ZW10: variants seen among roughly 807,000 people sequenced by gnomAD.
The protein encoded by ZW10 is centromere/kinetochore protein zw10 homolog.
A neutral mutation model predicts 87.8 loss-of-function variants in ZW10; 53 were observed. That is an observed-to-expected ratio of 0.60 (90% CI 0.48 to 0.76). The LOEUF is 0.76. Among genes scored for constraint, ZW10 ranks in the 30% least tolerant of loss-of-function variants. ZW10 has a pLI of 0.00. For missense variants in ZW10, 837 were observed against 923.0 expected (o/e 0.91, Z 1.21); for synonymous variants, 312 against 329.2 (o/e 0.95, Z 0.57).
intron 2 of ZW10, among the ~76,000 whole-genome samples, chr11:113,764,258 C>T (rs1211698443): frequency 6.6e-6 from 1 of 152,180 alleles, no homozygotes; most frequent in African/African-American, 2.4e-5. Context: ...GTTTTGGTTA[C>T]TGTAGGCTTG....
At chr11:113,741,129 T>C (rs1001733670) in intron 11 of ZW10, among the ~76,000 whole-genome samples, 1 of 152,132 alleles carries the variant, frequency 6.6e-6, no homozygotes, top group Admixed American at 6.5e-5. Context: ...GCTTTTGTTT[T>C]TTTTTTTGGT....
At chr11:113,742,852 T>C (rs17115915) in intron 10 of ZW10, among the ~76,000 whole-genome samples, 22,767 of 152,186 alleles carry the variant, frequency 0.15, 1,809 homozygotes, top group South Asian at 0.2. Flanking sequence ...ATGTTCTTCC[T>C]AGAGCAGAAT....
rs1953804745 is a variant in ZW10 at position 113,757,653 on chromosome 11, G to A, written c.925+9C>T. On this transcript the variant is annotated intron_variant, in intron 7 of 15. Transcript: ENST00000200135. Reference sequence around the variant, plus strand: ...CAAAATATAAAAGCACTGCCTTGGAGACACATACCTAGAAGCTGTTTCTGG... The same window carrying A: ...CAAAATATAAAAGCACTGCCTTGGAAACACATACCTAGAAGCTGTTTCTGG... The A allele has an allele frequency of 1.3e-6, 2 of 1,490,212 alleles. No homozygotes were observed. Among genetic ancestry groups the A allele is most frequent in the Admixed American group, 2.1e-5 (1 of 48,360 alleles). 92.3% of individuals were successfully genotyped at this position (1,490,212 alleles called of 1,614,324 possible).
At chr11:113,753,378 C>A (rs764776338) in intron 7 of ZW10, among the ~76,000 whole-genome samples, 1 of 151,960 alleles carries the variant, frequency 6.6e-6, no homozygotes, top group Non-Finnish European at 1.5e-5. Context: ...GTAAAACAAC[C>A]TTATTTATGG....
chr11:113,764,709 A>G, intron 2 of ZW10, among the ~76,000 whole-genome samples: 1 of 152,210 alleles, frequency 6.6e-6, no homozygotes, highest in East Asian at 1.9e-4. Context: ...TTTCAGCTCT[A>G]CTATAATCTC....
intron 1 of ZW10, among the ~76,000 whole-genome samples, chr11:113,772,046 A>T (rs796418898): frequency 4.5e-4 from 69 of 151,894 alleles, no homozygotes; most frequent in African/African-American, 1.5e-3. Flanking sequence ...GAAGATAAAG[A>T]TTTTTTTTTA....
In ZW10 at chr11:113,736,607, G is replaced by T; in HGVS notation, c.2219+13C>A. 6.2e-7 allele frequency: 1 copy of T among 1,613,666 alleles called. No homozygotes were observed. The highest frequency in any genetic ancestry group is 8.5e-7 in the Non-Finnish European group (1 of 1,179,622). ...TGGAGAGTTATATGCCTCTATAGAA[G>T]GGTTATACATACCGATCCCCAATTT... On this transcript the variant is annotated intron_variant, in intron 15 of 15. Transcript: ENST00000200135.
At chr11:113,748,763 T>C (rs947861676) in intron 7 of ZW10, among the ~76,000 whole-genome samples, 16 of 152,202 alleles carry the variant, frequency 1.1e-4, no homozygotes, top group African/African-American at 3.9e-4. Flanking sequence ...TAGAATAAAA[T>C]CTCACTTATT....
At chr11:113,734,522 A>G (rs1389943715) in intron 15 of ZW10, among the ~76,000 whole-genome samples, 1 of 152,152 alleles carries the variant, frequency 6.6e-6, no homozygotes, top group Non-Finnish European at 1.5e-5. Context: ...AATGGATTTC[A>G]GGCCAGGAGT....
chr11:113,739,301 G>A lies in ZW10; in HGVS notation c.1665C>T (p.Leu555=), dbSNP rs146253851. The part of the protein sequence containing the change: ...CMYIAHHLLT[L]GHQFRLRLAP... ...CAAGACGCAATCTGAACTGATGCCC[G>A]AGGGTCAGCAAGTGGTGAGCAATGT... is the stretch of plus-strand genomic sequence containing the variant. Residue 555 remains leucine, a synonymous_variant, in exon 12 of 16, where the codon CTC becomes CTT. Coordinates refer to ENST00000200135, the MANE Select transcript of ZW10 (RefSeq NM_004724.4). 17 of 1,613,762 alleles carry A rather than the reference G, an allele frequency of 1.1e-5. No individual in the cohort carries two copies. Among genetic ancestry groups the A allele is most frequent in the Middle Eastern group, 1.6e-4 (1 of 6,082 alleles).
At position 113,737,681 on chromosome 11, in the gene ZW10, A is replaced by C; in HGVS notation, c.1907T>G (p.Leu636Arg). The stretch of plus-strand genomic sequence containing the variant: ...CAGGACATCCTGCCACACAATTCCA[A>C]GTCTCTTTAGTTGGTGCAGTACCTG... Reference protein sequence around the residue: ...VRQVLHQLKRLGIVWQDVLPV... With the variant: ...VRQVLHQLKRRGIVWQDVLPV... The change falls in exon 14 of 16, where the codon CTT (leucine) becomes CGT (arginine). Residue 636 changes from leucine (L) to arginine (R), a missense_variant. Leu to Arg is a moderately radical substitution (Grantham distance 102). Transcript: ENST00000200135. 6.2e-7 allele frequency: 1 copy of C among 1,613,232 alleles called. No individual in the cohort carries two copies. The highest frequency in any genetic ancestry group is 8.5e-7 in the Non-Finnish European group (1 of 1,179,414).
intron 1 of ZW10, among the ~76,000 whole-genome samples, chr11:113,770,839 A>AAAG (rs1953957328): frequency 1.3e-5 from 2 of 151,442 alleles, no homozygotes; most frequent in African/African-American, 4.9e-5. Context: ...AAAAAAAAAA[A>AAAG]AAAAGAAATG....
intron 10 of ZW10, 132 bp downstream of exon 10, chr11:113,743,666 GTTTT>G: frequency 1.3e-6 from 1 of 742,904 alleles, no homozygotes; most frequent in Non-Finnish European, 2.3e-6. Flanking sequence ...GTTTTGTTTT[GTTTT>G]GTTTCCAGAA....
At position 113,748,389 on chromosome 11, in the gene ZW10, T is replaced by C. The variant is rs1331658254; in HGVS notation, c.957A>G (p.Glu319=). The C allele has an allele frequency of 6.2e-7, 1 of 1,607,638 alleles. No homozygotes were observed. The highest frequency in any genetic ancestry group is 1.3e-5 in the African/African-American group (1 of 74,620). The stretch of plus-strand genomic sequence containing the variant: ...CAGCCAATGGGACAGTAGATGTTTT[T>C]TCATTTTCCAGGTCAGTGTCAAGTG... The part of the protein sequence containing the change: ...DLPLDTDLEN[E]KTSTVPLAEM... Residue 319 remains glutamate (E), a synonymous_variant, in exon 8 of 16, where the codon GAA becomes GAG. Coordinates refer to ENST00000200135, the MANE Select transcript of ZW10 (RefSeq NM_004724.4).
intron 14 of ZW10, 144 bp from the exon 15 acceptor site, chr11:113,736,966 C>A (rs1953560712): frequency 1.5e-6 from 1 of 662,386 alleles, no homozygotes; most frequent in Admixed American, 2.6e-5. Flanking sequence ...TTACTAGACA[C>A]TACATCAGTT....
intron 7 of ZW10, among the ~76,000 whole-genome samples, chr11:113,749,516 A>T (rs1424011077): frequency 6.6e-6 from 1 of 152,116 alleles, no homozygotes; most frequent in African/African-American, 2.4e-5. Flanking sequence ...ATTGCACAGA[A>T]CTACAGAAAC....
At chr11:113,740,425 C>T (rs1247250940) in intron 11 of ZW10, among the ~76,000 whole-genome samples, 1 of 151,984 alleles carries the variant, frequency 6.6e-6, no homozygotes, top group South Asian at 2.1e-4. Flanking sequence ...CCTATCATTA[C>T]AAAAATATGT....
intron 15 of ZW10, among the ~76,000 whole-genome samples, chr11:113,734,944 T>TAG (rs1463833242): frequency 6.6e-6 from 1 of 152,054 alleles, no homozygotes; most frequent in African/African-American, 2.4e-5. Context: ...GTAAATGGGG[T>TAG]AGAACTATAA....
chr11:113,746,244 A>G (rs1392540724), intron 9 of ZW10, among the ~76,000 whole-genome samples: 1 of 152,226 alleles, frequency 6.6e-6, no homozygotes, highest in African/African-American at 2.4e-5. Context: ...TTAAGTAGGA[A>G]ACTCAGATTA....
Sources: allele counts gnomAD v4.1 joint callset (sites outside exome capture counted in the v4.1 genomes callset), GRCh38; gene constraint gnomAD v4.1.1; transcripts MANE v1.5; gene names NCBI Gene and HGNC (gene_info 2026-07-23, HGNC 2026-07-21).